The following NIPBL variants were observed in gnomAD, a reference collection of about 807,000 sequenced individuals.
NIPBL encodes the protein nipped-B-like protein.
In NIPBL, 19 loss-of-function variants were observed where a neutral mutation model predicts 321.8. That is an observed-to-expected ratio of 0.06 (90% CI 0.04 to 0.09). The LOEUF (loss-of-function observed/expected upper bound fraction) is 0.09, where lower values mean the gene tolerates loss of function less well. Among genes scored for constraint, NIPBL ranks in the 10% least tolerant of loss-of-function variants. The probability of loss-of-function intolerance (pLI) is 1.00; values close to 1 mark genes in which losing one functional copy is unlikely to be tolerated. For synonymous variants in NIPBL, 1,106 were observed against 1,114.1 expected (o/e 0.99, Z 0.14); for missense variants, 2,210 against 3,327.0 (o/e 0.66, Z 8.26).
At chr5:36,935,816 A>G (rs1164088125) in intron 1 of NIPBL, among the ~76,000 whole-genome samples, 2 of 152,008 alleles carry the variant, frequency 1.3e-5, no homozygotes, top group South Asian at 4.1e-4. Flanking sequence ...TCTTCCAGCT[A>G]TGGTAGTGGC....
At chr5:36,997,581 A>G (rs1157362539) in intron 11 of NIPBL, among the ~76,000 whole-genome samples, 1 of 152,188 alleles carries the variant, frequency 6.6e-6, no homozygotes, top group Non-Finnish European at 1.5e-5. Context: ...TCGAAAGGTA[A>G]TATTTATTTT....
In NIPBL at chr5:37,049,141, A is replaced by G. The variant is rs1245819743; in HGVS notation, c.6794A>G (p.Lys2265Arg). The G allele has an allele frequency of 6.2e-7, 1 of 1,614,116 alleles. No individual in the cohort carries two copies. The highest frequency in any genetic ancestry group is 8.5e-7 in the Non-Finnish European group (1 of 1,179,998). The change falls in exon 40 of 47, where the codon AAA becomes AGA. Residue 2265 changes from lysine (K) to arginine (R), a missense_variant. Transcript: ENST00000282516. Reference sequence around the variant, plus strand: ...AAAGTTGCAAAACAGGAAGACTTAAAAGAAATGGGTGATGTTTCCTCAGGG... The same window carrying G: ...AAAGTTGCAAAACAGGAAGACTTAAGAGAAATGGGTGATGTTTCCTCAGGG... ...WKKVAKQEDL[K>R]EMGDVSSGMS...
At chr5:36,968,988 T>G (rs1742550394) in intron 6 of NIPBL, among the ~76,000 whole-genome samples, 1 of 152,206 alleles carries the variant, frequency 6.6e-6, no homozygotes, top group Non-Finnish European at 1.5e-5. Context: ...GGACACAGCA[T>G]CATTATAATG....
At chr5:36,906,855 G>A (rs1312866672) in intron 1 of NIPBL, among the ~76,000 whole-genome samples, 2 of 152,148 alleles carry the variant, frequency 1.3e-5, no homozygotes, top group Admixed American at 1.3e-4. Context: ...TTATTGTTAA[G>A]CACTGTCTTG....
At chr5:37,025,745 T>C (rs1750191697) in intron 30 of NIPBL, among the ~76,000 whole-genome samples, 1 of 152,204 alleles carries the variant, frequency 6.6e-6, no homozygotes, top group African/African-American at 2.4e-5. Flanking sequence ...CATTATACAT[T>C]GTATGCTTGT....
chr5:37,000,425 G>A lies in NIPBL; in HGVS notation c.3357G>A (p.Glu1119=). ...ATGATAAAGCTTGGGAATATGAAGA[G>A]CGTGACAGAAGAAGCTCTGGGGATC... ...KDDDKAWEYE[E]RDRRSSGDHR... Residue 1119 remains glutamate (E), a synonymous_variant, in exon 12 of 47, where the codon GAG becomes GAA. Coordinates refer to ENST00000282516, the MANE Select transcript of NIPBL (RefSeq NM_133433.4). 1.2e-6 allele frequency: 2 copies of A among 1,613,404 alleles called. No homozygotes were observed. Among genetic ancestry groups the A allele is most frequent in the Non-Finnish European group, 1.7e-6 (2 of 1,179,544 alleles).
intron 1 of NIPBL, among the ~76,000 whole-genome samples, chr5:36,919,971 T>C (rs1436594449): frequency 6.6e-6 from 1 of 152,174 alleles, no homozygotes; most frequent in African/African-American, 2.4e-5. Context: ...TAAAATGGGT[T>C]GTAACATTTG....
intron 1 of NIPBL, among the ~76,000 whole-genome samples, chr5:36,884,331 A>G (rs1745726280): frequency 6.6e-6 from 1 of 152,144 alleles, no homozygotes; most frequent in Non-Finnish European, 1.5e-5. Flanking sequence ...AGATCTTCCT[A>G]AGTTCAAAAT....
chr5:37,061,926 C>G (rs1037314229), intron 45 of NIPBL, among the ~76,000 whole-genome samples: 1 of 152,216 alleles, frequency 6.6e-6, no homozygotes, highest in Admixed American at 6.5e-5. Flanking sequence ...ACCGCAACTT[C>G]TGCCTCCCAG....
intron 45 of NIPBL, among the ~76,000 whole-genome samples, chr5:37,062,910 A>G (rs1561230310): frequency 6.6e-6 from 1 of 151,552 alleles, no homozygotes; most frequent in Non-Finnish European, 1.5e-5. Context: ...ACAGAGTGAG[A>G]CCCTGTCTCA....
At position 36,986,030 on chromosome 5, in the gene NIPBL, T is replaced by C. The variant is rs1271395564; in HGVS notation, c.2850T>C (p.Ser950=). The C allele has an allele frequency of 4.3e-6, 7 of 1,614,012 alleles. No homozygotes were observed. The highest frequency in any genetic ancestry group is 5.9e-6 in the Non-Finnish European group (7 of 1,179,958). ...EFPSYLLGGR[S]GALKNFVIPK... ...CAAGTTATTTGTTGGGGGGCAGGTC[T>C]GGTGCGTTGAAAAATTTTGTCATTC... The change falls in exon 10 of 47, where the codon TCT becomes TCC. Residue 950 remains serine (S), a synonymous_variant. Coordinates refer to ENST00000282516, the MANE Select transcript of NIPBL (RefSeq NM_133433.4).
intron 1 of NIPBL, among the ~76,000 whole-genome samples, chr5:36,896,831 C>G (rs1189970005): frequency 1.3e-5 from 2 of 152,088 alleles, no homozygotes; most frequent in Non-Finnish European, 2.9e-5. Flanking sequence ...AACTCCTGGC[C>G]TCAAGTGATC....
At chr5:36,977,924 C>T (rs1279291339) in intron 9 of NIPBL, among the ~76,000 whole-genome samples, 1 of 151,858 alleles carries the variant, frequency 6.6e-6, no homozygotes, top group Non-Finnish European at 1.5e-5. Context: ...ATCCATGTTG[C>T]TGCAGAGGAC....
At chr5:36,887,113 C>T (rs1397834661) in intron 1 of NIPBL, among the ~76,000 whole-genome samples, 1 of 151,940 alleles carries the variant, frequency 6.6e-6, no homozygotes, top group East Asian at 1.9e-4. Context: ...TTTTACTTAC[C>T]TGTTTAACCC....
chr5:37,007,199 T>C (rs1395227167), intron 17 of NIPBL, 124 bp from the exon 18 acceptor site: 1 of 761,614 alleles, frequency 1.3e-6, no homozygotes, highest in Non-Finnish European at 2.2e-6. Flanking sequence ...AATAAAAAGC[T>C]TTATCTTCCA....
intron 9 of NIPBL, among the ~76,000 whole-genome samples, chr5:36,977,785 G>T (rs1174664618): frequency 6.6e-6 from 1 of 151,684 alleles, no homozygotes; most frequent in Non-Finnish European, 1.5e-5. Context: ...AGTCCCCTGT[G>T]TCTGTTGTTT....
intron 32 of NIPBL, among the ~76,000 whole-genome samples, chr5:37,033,723 TATA>T (rs1359028176): frequency 2.2e-4 from 21 of 94,500 alleles, no homozygotes; most frequent in Admixed American, 3.5e-4. Flanking sequence ...TATATATATA[TATA>T]TATATTTTTT....
chr5:36,984,077 C>G (rs1420526875), intron 9 of NIPBL, among the ~76,000 whole-genome samples: 1 of 151,984 alleles, frequency 6.6e-6, no homozygotes. Flanking sequence ...TTTAACACTT[C>G]AAAGAATTTG....
intron 2 of NIPBL, 88 bp downstream of exon 2, chr5:36,953,848 C>T: frequency 8.7e-7 from 1 of 1,147,054 alleles, no homozygotes; most frequent in Middle Eastern, 2.0e-4. Context: ...ATTATAGGTT[C>T]TTTAAAACAC....
Sources: gnomAD v4.1 joint callset for allele counts (sites outside exome capture counted in the v4.1 genomes callset) on GRCh38, gnomAD v4.1.1 for gene constraint, MANE v1.5 for transcripts, NCBI Gene and HGNC (gene_info 2026-07-23, HGNC 2026-07-21) for gene names.